CNIH3: variants seen among roughly 807,000 people sequenced by gnomAD.
CNIH3 encodes protein cornichon homolog 3.
CNIH3 carries 14 observed loss-of-function variants against 24.1 expected under a neutral mutation model. That is an observed-to-expected ratio of 0.58 (90% CI 0.38 to 0.91). The LOEUF (loss-of-function observed/expected upper bound fraction) is 0.91, where lower values mean the gene tolerates loss of function less well. CNIH3 is among the 40% of genes least tolerant of loss of function. The pLI, the probability that CNIH3 is intolerant of heterozygous loss-of-function variation, is 0.00. For synonymous variants in CNIH3, 68 were observed against 73.8 expected, an observed-to-expected ratio of 0.92 and a Z score of 0.40; for missense variants, 178 against 196.8, an observed-to-expected ratio of 0.90 and a Z score of 0.57.
In CNIH3 at chr1:224,684,728, G is replaced by C. The variant is rs887167198; in HGVS notation, c.151-68G>C. ...CTCCACTATTGGGGCTGATTGCGGG[G>C]CCTTCTCATGCTATTTTAGCAGAAC... On this transcript the variant is annotated intron_variant, in intron 2 of 5. Transcript: ENST00000272133. The surrounding 1 kb of genome is among the most constrained non-coding windows in gnomAD (Gnocchi z 4.2). 3.3e-5 allele frequency: 47 copies of C among 1,409,204 alleles called. No individual in the cohort carries two copies. Among genetic ancestry groups the C allele is most frequent in the African/African-American group, 7.1e-5 (5 of 70,094 alleles). 87.3% of individuals were successfully genotyped at this position (1,409,204 alleles called of 1,614,324 possible).
intron 3 of CNIH3, among the ~76,000 whole-genome samples, chr1:224,692,394 C>A (rs10915697): frequency 1.3e-5 from 2 of 152,108 alleles, no homozygotes; most frequent in African/African-American, 4.8e-5. Context: ...CATTTCAGTT[C>A]TTTTTAGCTG....
intron 3 of CNIH3, among the ~76,000 whole-genome samples, chr1:224,716,244 C>T (rs1165800193): frequency 6.6e-6 from 1 of 152,200 alleles, no homozygotes; most frequent in Non-Finnish European, 1.5e-5. Flanking sequence ...GATTATTATT[C>T]TTCAGAACAG....
chr1:224,485,788 A>G (rs1677005170), intron 1 of CNIH3, among the ~76,000 whole-genome samples: 1 of 152,090 alleles, frequency 6.6e-6, no homozygotes, highest in African/African-American at 2.4e-5. Context: ...TTAAAACTTT[A>G]ATTATGGAAA....
At chr1:224,723,331 T>G (rs1688841618) in intron 3 of CNIH3, among the ~76,000 whole-genome samples, 1 of 152,212 alleles carries the variant, frequency 6.6e-6, no homozygotes, top group Non-Finnish European at 1.5e-5. Flanking sequence ...TTGACCCCCC[T>G]TCTCTCTCTG....
At chr1:224,694,012 G>C (rs997557087) in intron 3 of CNIH3, among the ~76,000 whole-genome samples, 1 of 152,272 alleles carries the variant, frequency 6.6e-6, no homozygotes, top group African/African-American at 2.4e-5. Context: ...TGAGTGTTTG[G>C]TAGATGTTCT....
intron 1 of CNIH3, among the ~76,000 whole-genome samples, chr1:224,456,535 C>T (rs1675667907): frequency 6.6e-6 from 1 of 152,194 alleles, no homozygotes; most frequent in African/African-American, 2.4e-5. Context: ...CTCAGCTTCC[C>T]AAGCAGTTGG....
At chr1:224,525,752 A>G (rs1454627187) in intron 2 of CNIH3, among the ~76,000 whole-genome samples, 6 of 152,302 alleles carry the variant, frequency 3.9e-5, no homozygotes, top group African/African-American at 1.4e-4. Context: ...AGATTAGGGA[A>G]GGATGGAATC....
At chr1:224,576,404 C>T (rs1490048496) in intron 4 of CNIH3, among the ~76,000 whole-genome samples, 2 of 152,222 alleles carry the variant, frequency 1.3e-5, no homozygotes, top group African/African-American at 4.8e-5. Flanking sequence ...ACTTTGCCCT[C>T]TATTTCCTGC....
chr1:224,516,565 T>C (rs1039304746), intron 1 of CNIH3, among the ~76,000 whole-genome samples: 1 of 152,216 alleles, frequency 6.6e-6, no homozygotes, highest in Non-Finnish European at 1.5e-5. Flanking sequence ...AGGGCTGCCA[T>C]GAAGAGTCAT....
chr1:224,582,727 G>C (rs1053205099), intron 4 of CNIH3, among the ~76,000 whole-genome samples: 1 of 152,194 alleles, frequency 6.6e-6, no homozygotes, highest in Non-Finnish European at 1.5e-5. Flanking sequence ...AAGAGGCTGA[G>C]ACCTGCCATA....
At chr1:224,559,044 A>G (rs1680257673) in intron 3 of CNIH3, among the ~76,000 whole-genome samples, 3 of 152,236 alleles carry the variant, frequency 2.0e-5, no homozygotes, top group African/African-American at 7.2e-5. Flanking sequence ...GCAAACTGGT[A>G]CCTAAAGTAC....
intron 4 of CNIH3, among the ~76,000 whole-genome samples, chr1:224,577,590 A>G (rs1312299220): frequency 6.6e-6 from 1 of 152,160 alleles, no homozygotes; most frequent in African/African-American, 2.4e-5. Context: ...TGGTGAAAGG[A>G]GAACACTTTT....
At chr1:224,647,411 G>C (rs1469753214) in intron 1 of CNIH3, among the ~76,000 whole-genome samples, 1 of 152,232 alleles carries the variant, frequency 6.6e-6, no homozygotes, top group Non-Finnish European at 1.5e-5. Context: ...AGTCTGGCTT[G>C]CTTGTCCATG....
In CNIH3 at chr1:224,627,723, C is replaced by T. The variant is rs186395653; in HGVS notation, c.81+10468C>T. On this transcript the variant is annotated intron_variant, in intron 1 of 5. Coordinates refer to ENST00000272133, the MANE Select transcript of CNIH3 (RefSeq NM_152495.2). ...TCTGGAAGGGGAGTCAATGCGCTGC[C>T]ATCTCGGACCCACGAGTCAGTCTGA... Among the ~76,000 whole-genome samples the T allele has an allele frequency of 3.9e-5, 6 of 152,292 alleles. No homozygotes were observed. In the East Asian group the frequency reaches 1.2e-3, roughly 29 times the overall value.
chr1:224,550,656 G>A (rs1353302911), intron 3 of CNIH3, among the ~76,000 whole-genome samples: 1 of 152,034 alleles, frequency 6.6e-6, no homozygotes, highest in African/African-American at 2.4e-5. Context: ...TATCATCAAA[G>A]TGTGTAAACA....
chr1:224,523,964 A>T (rs1018665418), intron 2 of CNIH3, among the ~76,000 whole-genome samples: 1 of 152,314 alleles, frequency 6.6e-6, no homozygotes, highest in Non-Finnish European at 1.5e-5. Flanking sequence ...CAGAGTCTAG[A>T]TGAGGACACT....
intron 1 of CNIH3, among the ~76,000 whole-genome samples, chr1:224,448,659 A>C (rs1314977010): frequency 2.0e-5 from 3 of 152,204 alleles, no homozygotes; most frequent in African/African-American, 7.2e-5. Flanking sequence ...CGTGCAGTGC[A>C]ATCCCACGTG....
intron 3 of CNIH3, among the ~76,000 whole-genome samples, chr1:224,600,117 T>C (rs940080805): frequency 6.6e-6 from 1 of 152,200 alleles, no homozygotes; most frequent in African/African-American, 2.4e-5. Context: ...TTGAAAATGC[T>C]ACTCTCTCAA....
At chr1:224,442,412 T>C (rs1674959615) in intron 1 of CNIH3, among the ~76,000 whole-genome samples, 1 of 152,246 alleles carries the variant, frequency 6.6e-6, no homozygotes, top group Non-Finnish European at 1.5e-5. Context: ...TATTTCAGAA[T>C]GTCTTTTTCT....
Sources: allele counts gnomAD v4.1 joint callset (sites outside exome capture counted in the v4.1 genomes callset), GRCh38; gene constraint gnomAD v4.1.1; non-coding constraint Gnocchi (gnomAD v3.1); transcripts MANE v1.5; gene names NCBI Gene and HGNC (gene_info 2026-07-23, HGNC 2026-07-21).